Variants in NOPCHAP1 observed in about 807,000 individuals in gnomAD.
NOPCHAP1 encodes DNA damage-sensitive RNA 1.
In NOPCHAP1, 13 loss-of-function variants were observed where a neutral mutation model predicts 14.0. The observed-to-expected ratio is 0.93, with a 90% CI of 0.60 to 1.47. NOPCHAP1 has a LOEUF of 1.47. Ranked by LOEUF, NOPCHAP1 falls within the 40% of genes most tolerant of loss-of-function variation. The pLI is 0.00. For synonymous variants in NOPCHAP1, 78 were observed against 78.4 expected, an observed-to-expected ratio of 1.00 and a Z score of 0.03; for missense variants, 230 against 226.9, an observed-to-expected ratio of 1.01 and a Z score of -0.09.
chr12:104,989,259 T>A (rs944483949), intron 2 of NOPCHAP1, among the ~76,000 whole-genome samples: 4 of 152,196 alleles, frequency 2.6e-5, no homozygotes, highest in African/African-American at 9.7e-5. Context: ...TTAAACACAT[T>A]TAAAAAATCA....
chr12:104,987,681 C>A (rs557693648), intron 1 of NOPCHAP1, among the ~76,000 whole-genome samples: 3 of 152,198 alleles, frequency 2.0e-5, no homozygotes, highest in African/African-American at 7.2e-5. Flanking sequence ...GACAAAATCC[C>A]CAAAAGGCTG....
In NOPCHAP1 at chr12:105,014,340, T is replaced by G. The variant is rs1207273771; in HGVS notation, c.*19644T>G. 6.6e-6 allele frequency: 1 copy of G among 152,168 alleles called. No individual in the cohort carries two copies. The highest frequency in any genetic ancestry group is 1.5e-5 in the Non-Finnish European group (1 of 68,040). The allele number at this position is 152,168 out of a possible 1,614,324, so 9.4% of individuals were successfully genotyped here. A position where few individuals can be genotyped will look rare whatever the true frequency, so the allele number is the denominator to read the frequency against. On this transcript the variant is annotated 3_prime_UTR_variant, in exon 4 of 4. Transcript: ENST00000552951. The stretch of plus-strand genomic sequence containing the variant: ...CTGGTATCTACATATATTTAATGCA[T>G]TTTTGACGTACCTAACTTTTTAATT...
chr12:105,005,953 G>A lies in NOPCHAP1; in HGVS notation c.*11257G>A, dbSNP rs561845734. The A allele has an allele frequency of 7.9e-5, 12 of 152,336 alleles. No individual in the cohort carries two copies. In the South Asian group the frequency reaches 2.1e-3, roughly 26 times the overall value. 9.4% of individuals were successfully genotyped at this position (152,336 alleles called of 1,614,324 possible). A position where few individuals can be genotyped will look rare whatever the true frequency, so the allele number is the denominator to read the frequency against. On this transcript the variant is annotated 3_prime_UTR_variant, in exon 4 of 4. Coordinates refer to ENST00000552951, the MANE Select transcript of NOPCHAP1 (RefSeq NM_152318.3). Reference sequence around the variant, plus strand: ...CTGATGCTTCTCCATCTTCCTCATCGTCTGGCACTGTGGCTCAGAAGCATT... The same window carrying A: ...CTGATGCTTCTCCATCTTCCTCATCATCTGGCACTGTGGCTCAGAAGCATT...
At position 104,995,338 on chromosome 12, in the gene NOPCHAP1, T is replaced by C. The variant is rs913370278; in HGVS notation, c.*642T>C. On this transcript the variant is annotated 3_prime_UTR_variant, in exon 4 of 4. Transcript: ENST00000552951. The stretch of plus-strand genomic sequence containing the variant: ...CCTTGAGAAATTTCTTTCATGCATA[T>C]GGTGGCAGTGTCCAAAGAAACAATA... 1.3e-5 allele frequency: 2 copies of C among 152,334 alleles called. No individual in the cohort carries two copies. The highest frequency in any genetic ancestry group is 4.8e-5 in the African/African-American group (2 of 41,458). The allele number at this position is 152,334 out of a possible 1,614,324, so 9.4% of individuals were successfully genotyped here. A position where few individuals can be genotyped will look rare whatever the true frequency, so the allele number is the denominator to read the frequency against.
At position 105,014,579 on chromosome 12, in the gene NOPCHAP1, C is replaced by G. The variant is rs914708047; in HGVS notation, c.*19883C>G. The stretch of plus-strand genomic sequence containing the variant: ...TCTAGTTTGAGTTGGAAAACTGATG[C>G]TTGTAGTGTAATCACTGTTGGTGAC... On this transcript the variant is annotated 3_prime_UTR_variant, in exon 4 of 4. Transcript: ENST00000552951. 1 of 151,878 alleles carries G rather than the reference C, an allele frequency of 6.6e-6. No homozygotes were observed. Among genetic ancestry groups the G allele is most frequent in the African/African-American group, 2.4e-5 (1 of 41,348 alleles). 9.4% of individuals were successfully genotyped at this position (151,878 alleles called of 1,614,324 possible).
chr12:104,993,014 T>C (rs1255824022), intron 3 of NOPCHAP1, among the ~76,000 whole-genome samples: 3 of 152,200 alleles, frequency 2.0e-5, no homozygotes, highest in Non-Finnish European at 2.9e-5. Flanking sequence ...CCTGCGGTTT[T>C]CTCAGGTAGA....
chr12:105,009,498 A>G lies in NOPCHAP1; in HGVS notation c.*14802A>G, dbSNP rs981362581. On this transcript the variant is annotated 3_prime_UTR_variant, in exon 4 of 4. Coordinates refer to ENST00000552951, the MANE Select transcript of NOPCHAP1 (RefSeq NM_152318.3). Reference sequence around the variant, plus strand: ...TGCCCTGACCAGAACTTCCAATACTATGTTGAATAGGAGTGGTGAGAGAGG... The same window carrying G: ...TGCCCTGACCAGAACTTCCAATACTGTGTTGAATAGGAGTGGTGAGAGAGG... The G allele has an allele frequency of 6.6e-5, 10 of 152,002 alleles. No individual in the cohort carries two copies. Among genetic ancestry groups the G allele is most frequent in the Non-Finnish European group, 1.0e-4 (7 of 68,002 alleles). The allele number at this position is 152,002 out of a possible 1,614,324, so 9.4% of individuals were successfully genotyped here.
At position 104,994,669 on chromosome 12, in the gene NOPCHAP1, C is replaced by A. The variant is rs1477281685; in HGVS notation, c.531C>A (p.Asp177Glu). The A allele has an allele frequency of 1.2e-6, 2 of 1,612,894 alleles. No homozygotes were observed. Among genetic ancestry groups the A allele is most frequent in the Non-Finnish European group, 1.7e-6 (2 of 1,179,416 alleles). The change falls in exon 4 of 4, where the codon GAC becomes GAA. Residue 177 changes from aspartate (D) to glutamate (E), a missense_variant. By Grantham distance (45) the Asp-to-Glu change is conservative (BLOSUM62 2). Transcript: ENST00000552951. ...EGGKGKIEVL[D>E]SPASKKKK ...GAAAAGGCAAGATTGAAGTTTTGGA[C>A]AGTCCAGCAAGTAAAAAAAAGAAAT... is the stretch of plus-strand genomic sequence containing the variant.
chr12:104,993,495 C>T (rs552745515), intron 3 of NOPCHAP1, among the ~76,000 whole-genome samples: 1 of 152,206 alleles, frequency 6.6e-6, no homozygotes, highest in African/African-American at 2.4e-5. Flanking sequence ...CATGCTCTTC[C>T]CCCAGCTGTG....
rs1873908594 is a variant in NOPCHAP1, at chr12:105,014,568, GA to G, written c.*19876del. 1 of 152,070 alleles carries G rather than the reference GA, an allele frequency of 6.6e-6. No individual in the cohort carries two copies. The allele number at this position is 152,070 out of a possible 1,614,324, so 9.4% of individuals were successfully genotyped here. On this transcript the variant is annotated 3_prime_UTR_variant, in exon 4 of 4. Coordinates refer to ENST00000552951, the MANE Select transcript of NOPCHAP1 (RefSeq NM_152318.3). The stretch of plus-strand genomic sequence containing the variant: ...AAGAATTCCTTTCTAGTTTGAGTTG[GA>G]AAACTGATGCTTGTAGTGTAATCAC...
chr12:104,995,161 G>A lies in NOPCHAP1; in HGVS notation c.*465G>A, dbSNP rs764814726. On this transcript the variant is annotated 3_prime_UTR_variant, in exon 4 of 4. Coordinates refer to ENST00000552951, the MANE Select transcript of NOPCHAP1 (RefSeq NM_152318.3). ...AAATACACTCCTGAGTTAGGTTTTG[G>A]TGTGTAGAGTACAGGAATAACTTGA... 1.1e-5 allele frequency: 2 copies of A among 189,374 alleles called. No homozygotes were observed. The highest frequency in any genetic ancestry group is 1.0e-5 in the Non-Finnish European group (1 of 95,980). The allele number at this position is 189,374 out of a possible 1,614,324, so 11.7% of individuals were successfully genotyped here.
In NOPCHAP1 at chr12:105,004,149, G is replaced by T. The variant is rs946730615; in HGVS notation, c.*9453G>T. The stretch of plus-strand genomic sequence containing the variant: ...TATATAGCATTTGGATGTCTTCCCA[G>T]GGTAGAATGATCTTTATTCTCTTCT... On this transcript the variant is annotated 3_prime_UTR_variant, in exon 4 of 4. Coordinates refer to ENST00000552951, the MANE Select transcript of NOPCHAP1 (RefSeq NM_152318.3). The T allele has an allele frequency of 2.0e-5, 3 of 152,206 alleles. No individual in the cohort carries two copies. Among genetic ancestry groups the T allele is most frequent in the Non-Finnish European group, 2.9e-5 (2 of 68,036 alleles). The allele number at this position is 152,206 out of a possible 1,614,324, so 9.4% of individuals were successfully genotyped here.
chr12:104,994,366 A>T, intron 3 of NOPCHAP1, 112 bp from the exon 4 acceptor site: 1 of 1,051,002 alleles, frequency 9.5e-7, no homozygotes, highest in Non-Finnish European at 1.5e-6. Context: ...CCAAATTCTT[A>T]TCCTTTATGT....
Position 105,005,269 on chromosome 12 carries a change from G to A in NOPCHAP1, c.*10573G>A, listed in dbSNP as rs563983699. The A allele has an allele frequency of 5.3e-5, 8 of 152,222 alleles. No homozygotes were observed. Among genetic ancestry groups the A allele is most frequent in the Non-Finnish European group, 1.2e-4 (8 of 68,042 alleles). The allele number at this position is 152,222 out of a possible 1,614,324, so 9.4% of individuals were successfully genotyped here. On this transcript the variant is annotated 3_prime_UTR_variant, in exon 4 of 4. Transcript: ENST00000552951. ...GAAGCAACAAAAGCACAGATTTGTT[G>A]AAATGAAAGTACACTTCACAGAGTG...
rs528005479 is a variant in NOPCHAP1, at chr12:105,010,895, A to C, written c.*16199A>C. The stretch of plus-strand genomic sequence containing the variant: ...TTTAGCTGAGGAGTGTTTTACTTCA[A>C]TTATGTGGTCAATTTTAGAAAAAGT... On this transcript the variant is annotated 3_prime_UTR_variant, in exon 4 of 4. Transcript: ENST00000552951. 1.1e-4 allele frequency: 16 copies of C among 152,266 alleles called. No individual in the cohort carries two copies. The South Asian group carries it at 3.1e-3, about 30-fold the overall frequency. 9.4% of individuals were successfully genotyped at this position (152,266 alleles called of 1,614,324 possible).
rs1298699795 is a variant in NOPCHAP1 at position 105,005,118 on chromosome 12, C to T, written c.*10422C>T. On this transcript the variant is annotated 3_prime_UTR_variant, in exon 4 of 4. Coordinates refer to ENST00000552951, the MANE Select transcript of NOPCHAP1 (RefSeq NM_152318.3). ...GAAGAAGAAGGCATACTCATTGTAACTTTATGGAAATACATTGTAATTTCT... is the reference window on the plus strand; with the variant it reads ...GAAGAAGAAGGCATACTCATTGTAATTTTATGGAAATACATTGTAATTTCT... 6.6e-6 allele frequency: 1 copy of T among 152,110 alleles called. No individual in the cohort carries two copies. The highest frequency in any genetic ancestry group is 1.9e-4 in the East Asian group (1 of 5,202). The allele number at this position is 152,110 out of a possible 1,614,324, so 9.4% of individuals were successfully genotyped here.
At position 105,008,167 on chromosome 12, in the gene NOPCHAP1, T is replaced by G. The variant is rs1398494524; in HGVS notation, c.*13471T>G. The G allele has an allele frequency of 6.6e-6, 1 of 152,214 alleles. No individual in the cohort carries two copies. The highest frequency in any genetic ancestry group is 1.5e-5 in the Non-Finnish European group (1 of 68,028). 9.4% of individuals were successfully genotyped at this position (152,214 alleles called of 1,614,324 possible). On this transcript the variant is annotated 3_prime_UTR_variant, in exon 4 of 4. Transcript: ENST00000552951. ...CACATCCCCTCCAGCATCTGTTGTT[T>G]CCTGACTTTTTAATGATCGCCATTC... is the stretch of plus-strand genomic sequence containing the variant.
rs1873777947 is a variant in NOPCHAP1 at position 105,009,757 on chromosome 12, G to A, written c.*15061G>A. ...TTGTCATTGGTTCTGTTTATGTGATGGATTATGTTTATTGATTTGTGTATG... is the reference window on the plus strand; with the variant it reads ...TTGTCATTGGTTCTGTTTATGTGATAGATTATGTTTATTGATTTGTGTATG... On this transcript the variant is annotated 3_prime_UTR_variant, in exon 4 of 4. Transcript: ENST00000552951. The A allele has an allele frequency of 6.6e-6, 1 of 152,142 alleles. No individual in the cohort carries two copies. Among genetic ancestry groups the A allele is most frequent in the Admixed American group, 6.5e-5 (1 of 15,278 alleles). 9.4% of individuals were successfully genotyped at this position (152,142 alleles called of 1,614,324 possible).
In NOPCHAP1 at chr12:105,009,850, G is replaced by A. The variant is rs1007443458; in HGVS notation, c.*15154G>A. On this transcript the variant is annotated 3_prime_UTR_variant, in exon 4 of 4. Coordinates refer to ENST00000552951, the MANE Select transcript of NOPCHAP1 (RefSeq NM_152318.3). ...TGGTGGATAAGCTTTTTGATGTGCT[G>A]CTGGATTCAGTTTGCTGGTATTTTA... 1 of 152,158 alleles carries A rather than the reference G, an allele frequency of 6.6e-6. No individual in the cohort carries two copies. The highest frequency in any genetic ancestry group is 6.6e-5 in the Admixed American group (1 of 15,260). The allele number at this position is 152,158 out of a possible 1,614,324, so 9.4% of individuals were successfully genotyped here. A position where few individuals can be genotyped will look rare whatever the true frequency, so the allele number is the denominator to read the frequency against.
Sources: gnomAD v4.1 joint callset for allele counts (sites outside exome capture counted in the v4.1 genomes callset) on GRCh38, gnomAD v4.1.1 for gene constraint, MANE v1.5 for transcripts, NCBI Gene and HGNC (gene_info 2026-07-23, HGNC 2026-07-21) for gene names.